STK32B: variants seen among roughly 807,000 people sequenced by gnomAD.
STK32B encodes serine/threonine kinase 32B.
In STK32B, 43 loss-of-function variants were observed where a neutral mutation model predicts 52.6. That is an observed-to-expected ratio of 0.82 (90% CI 0.64 to 1.05). The LOEUF (loss-of-function observed/expected upper bound fraction) is 1.05, where lower values mean the gene tolerates loss of function less well. STK32B is among the 50% of genes least tolerant of loss of function. The pLI, the probability that STK32B is intolerant of heterozygous loss-of-function variation, is 0.00. For missense variants in STK32B, 621 were observed against 534.6 expected, an observed-to-expected ratio of 1.16 and a Z score of -1.59; for synonymous variants, 238 against 204.3, an observed-to-expected ratio of 1.17 and a Z score of -1.41.
intron 3 of STK32B, among the ~76,000 whole-genome samples, chr4:5,318,117 G>C (rs1448858302): frequency 6.6e-6 from 1 of 152,134 alleles, no homozygotes; most frequent in Admixed American, 6.5e-5. Context: ...GTGTGTGTGT[G>C]TGCACGCTTG....
chr4:5,080,248 C>T (rs1382261574), intron 1 of STK32B, among the ~76,000 whole-genome samples: 1 of 152,152 alleles, frequency 6.6e-6, no homozygotes, highest in African/African-American at 2.4e-5. Context: ...TCTCAGACAC[C>T]ATCGTCTTCT....
the STK32B span, among the ~76,000 whole-genome samples, chr4:5,041,588 C>G: frequency 6.6e-6 from 1 of 151,916 alleles, no homozygotes; most frequent in Non-Finnish European, 1.5e-5. Context: ...AATGCAGACA[C>G]TCTACATTAG....
intron 1 of STK32B, among the ~76,000 whole-genome samples, chr4:5,118,533 C>T (rs1225826883): frequency 6.6e-6 from 1 of 152,186 alleles, no homozygotes; most frequent in Non-Finnish European, 1.5e-5. Flanking sequence ...GGCTTCTCTC[C>T]TTCTAGGTCT....
intron 3 of STK32B, among the ~76,000 whole-genome samples, chr4:5,330,715 A>G (rs1560325646): frequency 6.6e-6 from 1 of 152,184 alleles, no homozygotes; most frequent in Non-Finnish European, 1.5e-5. Flanking sequence ...CAAAAATTAG[A>G]AACTGCCCAT....
chr4:5,204,057 T>C (rs2108778242), intron 3 of STK32B: 1 of 152,404 alleles, frequency 6.6e-6, no homozygotes, highest in South Asian at 2.1e-4. Context: ...GACACCACAC[T>C]GTAGCTTCTT....
chr4:5,122,242 A>ACATTTACT (rs961479560), intron 1 of STK32B, among the ~76,000 whole-genome samples: 1 of 151,842 alleles, frequency 6.6e-6, no homozygotes, highest in African/African-American at 2.4e-5. Context: ...TCATTCACTC[A>ACATTTACT]CATTTACTCA....
At chr4:5,293,158 A>G (rs982659743) in intron 3 of STK32B, among the ~76,000 whole-genome samples, 1 of 152,116 alleles carries the variant, frequency 6.6e-6, no homozygotes, top group Admixed American at 6.5e-5. Context: ...TCCATGGTGT[A>G]TAAGTACCAC....
intron 3 of STK32B, among the ~76,000 whole-genome samples, chr4:5,233,449 C>A (rs949932552): frequency 1.3e-5 from 2 of 152,006 alleles, no homozygotes; most frequent in African/African-American, 4.8e-5. Flanking sequence ...AGCTGATATA[C>A]TGGAATATAG....
intron 3 of STK32B, among the ~76,000 whole-genome samples, chr4:5,266,912 C>A (rs1317078008): frequency 2.6e-5 from 4 of 152,130 alleles, no homozygotes; most frequent in African/African-American, 7.2e-5. Flanking sequence ...ACTCTAGCAT[C>A]TTTTGCTTGA....
intron 11 of STK32B, among the ~76,000 whole-genome samples, chr4:5,477,033 G>A (rs1718291689): frequency 6.6e-6 from 1 of 152,080 alleles, no homozygotes. Context: ...AACAAAGCGA[G>A]ACTATATTTC....
chr4:5,051,828 C>G lies in STK32B; in HGVS notation c.-36C>G. 1 of 1,576,590 alleles carries G rather than the reference C, an allele frequency of 6.3e-7. No homozygotes were observed. The highest frequency in any genetic ancestry group is 2.4e-5 in the East Asian group (1 of 42,126). On this transcript the variant is annotated 5_prime_UTR_variant, in exon 1 of 12. Coordinates refer to ENST00000282908, the MANE Select transcript of STK32B (RefSeq NM_018401.3). ...CCACATCCCGCATCCGGCATCCCAG[C>G]GGCCGGGCATGTAGCAGCGGCAGCA...
intron 3 of STK32B, among the ~76,000 whole-genome samples, chr4:5,209,009 A>G (rs1722745645): frequency 6.6e-6 from 1 of 152,226 alleles, no homozygotes; most frequent in Non-Finnish European, 1.5e-5. Context: ...AGTCCTGCCC[A>G]GTTGGGCACA....
rs375400185 is a variant in STK32B at position 5,328,820 on chromosome 4, T to C, written c.261-2400T>C. ...AGTGCAGTAAAACAAGGTAGTCCTG[T>C]GCTTCCCAGCGAGGCTGTATTACTT... On this transcript the variant is annotated intron_variant, in intron 3 of 11. Transcript: ENST00000282908. 4.6e-5 allele frequency among the ~76,000 whole-genome samples: 7 copies of C among 152,260 alleles called. No individual in the cohort carries two copies. In the South Asian group the frequency reaches 6.2e-4, roughly 14 times the overall value.
chr4:5,498,008 T>C (rs111377255), intron 11 of STK32B, among the ~76,000 whole-genome samples: 185 of 152,302 alleles, frequency 1.2e-3, no homozygotes, highest in African/African-American at 4.1e-3. Context: ...ATGTATTCTC[T>C]ATGATCCCCT....
chr4:5,166,912 C>T (rs1353055463), intron 2 of STK32B, among the ~76,000 whole-genome samples: 1 of 152,096 alleles, frequency 6.6e-6, no homozygotes, highest in Non-Finnish European at 1.5e-5. Context: ...CTCATACAAT[C>T]CTTGCTAACT....
At chr4:5,169,752 A>T (rs1015485360) in intron 3 of STK32B, among the ~76,000 whole-genome samples, 3 of 152,200 alleles carry the variant, frequency 2.0e-5, no homozygotes, top group Non-Finnish European at 4.4e-5. Flanking sequence ...GGAATTTTCT[A>T]AAGTAAATCT....
At chr4:5,421,118 C>G (rs1486217936) in intron 6 of STK32B, among the ~76,000 whole-genome samples, 1 of 148,826 alleles carries the variant, frequency 6.7e-6, no homozygotes, top group Non-Finnish European at 1.5e-5. Flanking sequence ...GAGACAGAGT[C>G]TTGCTCTGTT....
chr4:5,346,497 C>G (rs546814714), intron 4 of STK32B, among the ~76,000 whole-genome samples: 1 of 152,248 alleles, frequency 6.6e-6, no homozygotes, highest in South Asian at 2.1e-4. Context: ...GACATAGGAG[C>G]AAGACTGTGA....
chr4:5,326,381 T>TA (rs138961714), intron 3 of STK32B, among the ~76,000 whole-genome samples: 6,549 of 151,938 alleles, frequency 0.043, 264 homozygotes, highest in African/African-American at 0.1. Context: ...GTAGCTTAAT[T>TA]AAAAAAAATA....
Sources: gnomAD v4.1 joint callset for allele counts (sites outside exome capture counted in the v4.1 genomes callset) on GRCh38, gnomAD v4.1.1 for gene constraint, MANE v1.5 for transcripts, NCBI Gene and HGNC (gene_info 2026-07-23, HGNC 2026-07-21) for gene names.